Variants in KLHL1 observed in about 807,000 individuals in gnomAD.
KLHL1 encodes the protein kelch-like protein 1.
Under a neutral mutation model 77.7 loss-of-function variants are expected in KLHL1, and 47 were observed. The observed-to-expected ratio is 0.60, with a 90% CI of 0.48 to 0.77. The LOEUF is 0.77. Among genes scored for constraint, KLHL1 ranks in the 30% least tolerant of loss-of-function variants. The probability of loss-of-function intolerance (pLI) is 0.00; values close to 1 mark genes in which losing one functional copy is unlikely to be tolerated. For synonymous variants in KLHL1, 360 were observed against 325.2 expected (o/e 1.11, Z -1.15); for missense variants, 925 against 910.8 (o/e 1.02, Z -0.20).
chr13:70,017,358 T>C (rs1214276551), intron 1 of KLHL1, among the ~76,000 whole-genome samples: 1 of 152,208 alleles, frequency 6.6e-6, no homozygotes. Flanking sequence ...AGCCATTGCA[T>C]TCTCCTCATC....
At chr13:69,727,393 G>T (rs561330618) in intron 8 of KLHL1, among the ~76,000 whole-genome samples, 3 of 152,052 alleles carry the variant, frequency 2.0e-5, no homozygotes, top group African/African-American at 7.2e-5. Flanking sequence ...AGTGGACAGT[G>T]AATAGTGGAC....
In KLHL1 at chr13:69,839,104, A is replaced by G; in HGVS notation, c.1286T>C (p.Leu429Pro). The change falls in exon 6 of 11, where the codon CTG becomes CCG. Residue 429 changes from leucine (L) to proline (P), a missense_variant. By Grantham distance (98) the Leu-to-Pro change is moderately conservative. Transcript: ENST00000377844. ...LFKNDLECQK[L>P]ILEAMKYHLL... is the part of the protein sequence containing the mutation. ...ATGGTATTTCATTGCTTCTAGAATCAGCTTTTGACATTCCAGATCATTCTT... is the reference window on the plus strand; with the variant it reads ...ATGGTATTTCATTGCTTCTAGAATCGGCTTTTGACATTCCAGATCATTCTT... The G allele has an allele frequency of 2.5e-6, 4 of 1,608,876 alleles. No homozygotes were observed. Among genetic ancestry groups the G allele is most frequent in the Non-Finnish European group, 3.4e-6 (4 of 1,177,128 alleles).
intron 6 of KLHL1, among the ~76,000 whole-genome samples, chr13:69,818,929 C>T (rs998823751): frequency 6.6e-6 from 1 of 152,136 alleles, no homozygotes; most frequent in African/African-American, 2.4e-5. Flanking sequence ...AAAAGTCATA[C>T]AGTATTTTAA....
At chr13:69,997,450 C>A (rs1885183930) in intron 1 of KLHL1, among the ~76,000 whole-genome samples, 1 of 151,176 alleles carries the variant, frequency 6.6e-6, no homozygotes, top group African/African-American at 2.4e-5. Flanking sequence ...GTCCATTAAA[C>A]AGCTACTCCC....
intron 1 of KLHL1, among the ~76,000 whole-genome samples, chr13:70,080,188 C>G (rs762252080): frequency 1.3e-5 from 2 of 152,086 alleles, no homozygotes; most frequent in Admixed American, 1.3e-4. Context: ...TGTGTGTCTG[C>G]TAGTCTGAGT....
At chr13:70,075,574 T>TATATATATATAC (rs1566554659) in intron 1 of KLHL1, among the ~76,000 whole-genome samples, 2 of 108,440 alleles carry the variant, frequency 1.8e-5, no homozygotes, top group African/African-American at 6.8e-5. Flanking sequence ...TATGTGTATA[T>TATATATATATAC]ATATATATAT....
At chr13:70,052,868 T>A (rs1200239146) in intron 1 of KLHL1, among the ~76,000 whole-genome samples, 2 of 152,012 alleles carry the variant, frequency 1.3e-5, no homozygotes, top group Non-Finnish European at 2.9e-5. Context: ...TTGAATATTA[T>A]CTTCTAAATA....
At chr13:69,833,865 A>G (rs971118374) in intron 6 of KLHL1, among the ~76,000 whole-genome samples, 20 of 151,718 alleles carry the variant, frequency 1.3e-4, no homozygotes, top group African/African-American at 4.8e-4. Context: ...ATACACACAC[A>G]CACACACACA....
At chr13:70,054,345 A>C (rs1275752000) in intron 1 of KLHL1, among the ~76,000 whole-genome samples, 1 of 152,156 alleles carries the variant, frequency 6.6e-6, no homozygotes, top group Non-Finnish European at 1.5e-5. Context: ...TTAATGTGAT[A>C]CAAGTGTCCA....
chr13:69,939,521 T>C (rs1883300526), intron 4 of KLHL1, among the ~76,000 whole-genome samples: 1 of 151,656 alleles, frequency 6.6e-6, no homozygotes, highest in African/African-American at 2.4e-5. Flanking sequence ...CAGAAAAATG[T>C]ATAAAAGGGC....
chr13:69,759,696 G>A (rs772476556), intron 7 of KLHL1, among the ~76,000 whole-genome samples: 8 of 152,092 alleles, frequency 5.3e-5, no homozygotes, highest in Non-Finnish European at 1.0e-4. Context: ...TGTTAGGTAG[G>A]CAACCTTAAA....
At chr13:70,043,558 C>T (rs1886427478) in intron 1 of KLHL1, among the ~76,000 whole-genome samples, 1 of 152,142 alleles carries the variant, frequency 6.6e-6, no homozygotes, top group South Asian at 2.1e-4. Flanking sequence ...AAGCTCCATT[C>T]ATGGTAAATG....
chr13:70,003,162 T>C (rs1379598621), intron 1 of KLHL1, among the ~76,000 whole-genome samples: 4 of 151,690 alleles, frequency 2.6e-5, no homozygotes, highest in Non-Finnish European at 4.4e-5. Context: ...ATTATGAGCA[T>C]ACAAACTACA....
intron 1 of KLHL1, among the ~76,000 whole-genome samples, chr13:70,096,799 C>T (rs897120229): frequency 8.6e-5 from 13 of 151,920 alleles, no homozygotes; most frequent in African/African-American, 2.7e-4. Flanking sequence ...AGAGAAATCA[C>T]AACATGGCTG....
chr13:69,978,051 C>G (rs904659177), intron 1 of KLHL1, among the ~76,000 whole-genome samples: 1 of 152,040 alleles, frequency 6.6e-6, no homozygotes, highest in African/African-American at 2.4e-5. Context: ...CATATGTTTG[C>G]CTTTCACAAG....
chr13:69,707,817 TACATA>T, intron 9 of KLHL1, 21 bp from the exon 10 acceptor site: 20 of 1,591,372 alleles, frequency 1.3e-5, no homozygotes, highest in Non-Finnish European at 1.7e-5. Flanking sequence ...ATGACAATAG[TACATA>T]ACATATTCTA....
At chr13:69,780,702 G>GTATATATATATATATA (rs1491418114) in intron 7 of KLHL1, among the ~76,000 whole-genome samples, 1 of 47,198 alleles carries the variant, frequency 2.1e-5, no homozygotes, top group Non-Finnish European at 3.7e-5. Flanking sequence ...ATATATATAT[G>GTATATATATATATATA]TATATATATA....
chr13:70,102,573 G>A (rs1001243032), intron 1 of KLHL1, among the ~76,000 whole-genome samples: 1 of 152,030 alleles, frequency 6.6e-6, no homozygotes, highest in Non-Finnish European at 1.5e-5. Context: ...CTGTTTGTTT[G>A]TCTAAGCATA....
chr13:69,763,687 G>A (rs1437266607), intron 7 of KLHL1, among the ~76,000 whole-genome samples: 2 of 152,200 alleles, frequency 1.3e-5, no homozygotes, highest in African/African-American at 2.4e-5. Flanking sequence ...CAAAAATGTG[G>A]AATTATTAAA....
Sources: gnomAD v4.1 joint callset for allele counts (sites outside exome capture counted in the v4.1 genomes callset) on GRCh38, gnomAD v4.1.1 for gene constraint, MANE v1.5 for transcripts, NCBI Gene and HGNC (gene_info 2026-07-23, HGNC 2026-07-21) for gene names.